The following EYS variants were observed in gnomAD, a reference collection of about 807,000 sequenced individuals.
EYS encodes protein eyes shut homolog.
Under a neutral mutation model 282.1 loss-of-function variants are expected in EYS, and 250 were observed. The observed-to-expected ratio is 0.89, with a 90% CI of 0.80 to 0.98. The LOEUF is 0.98. EYS is among the 50% of genes least tolerant of loss of function. The pLI, the probability that EYS is intolerant of heterozygous loss-of-function variation, is 0.00. For missense variants in EYS, 4,016 were observed against 3,709.0 expected, an observed-to-expected ratio of 1.08 and a Z score of -2.15; for synonymous variants, 1,355 against 1,282.9, an observed-to-expected ratio of 1.06 and a Z score of -1.20.
intron 41 of EYS, among the ~76,000 whole-genome samples, chr6:63,752,738 T>C (rs899578969): frequency 9.9e-5 from 15 of 152,018 alleles, no homozygotes; most frequent in Non-Finnish European, 1.9e-4. Flanking sequence ...CTCGTGATCC[T>C]CCTGCCTCGG....
intron 1 of EYS, among the ~76,000 whole-genome samples, chr6:65,672,414 A>G (rs1768421848): frequency 6.6e-6 from 1 of 152,128 alleles, no homozygotes; most frequent in Non-Finnish European, 1.5e-5. Flanking sequence ...CCTAATTAGG[A>G]ATTTACAAAT....
At chr6:63,859,413 C>G (rs1285556125) in intron 36 of EYS, among the ~76,000 whole-genome samples, 1 of 151,798 alleles carries the variant, frequency 6.6e-6, no homozygotes, top group African/African-American at 2.4e-5. Context: ...GATTCTGGAG[C>G]CTATTCTTAG....
chr6:64,977,136 G>T (rs906325373), intron 14 of EYS, among the ~76,000 whole-genome samples: 1 of 151,728 alleles, frequency 6.6e-6, no homozygotes. Context: ...CAAATGATCT[G>T]CCCACCTCAG....
chr6:64,843,049 G>GA (rs1765612776), intron 19 of EYS, among the ~76,000 whole-genome samples: 1 of 152,078 alleles, frequency 6.6e-6, no homozygotes, highest in Non-Finnish European at 1.5e-5. Context: ...ATGCTAGAAG[G>GA]AAAAAATGGT....
At chr6:64,951,061 A>T (rs1769488382) in intron 14 of EYS, among the ~76,000 whole-genome samples, 1 of 151,448 alleles carries the variant, frequency 6.6e-6, no homozygotes, top group South Asian at 2.1e-4. Flanking sequence ...TTGGTCAAGG[A>T]GATTAGGTCC....
intron 36 of EYS, among the ~76,000 whole-genome samples, chr6:63,863,201 G>A (rs1772577974): frequency 1.3e-5 from 2 of 152,182 alleles, no homozygotes; most frequent in African/African-American, 2.4e-5. Context: ...GATAAAGCAA[G>A]TCCAGTCCTG....
intron 35 of EYS, among the ~76,000 whole-genome samples, chr6:63,914,084 G>A (rs1764352927): frequency 6.6e-6 from 1 of 152,136 alleles, no homozygotes; most frequent in Non-Finnish European, 1.5e-5. Context: ...ATTGAAACAT[G>A]TTGTATGTAT....
intron 35 of EYS, among the ~76,000 whole-genome samples, chr6:63,939,110 A>G (rs1463621326): frequency 6.6e-6 from 1 of 151,868 alleles, no homozygotes; most frequent in Non-Finnish European, 1.5e-5. Context: ...CTTTTCCCAG[A>G]CAAGCTTCTT....
At chr6:65,277,916 G>A (rs1203020890) in intron 12 of EYS, among the ~76,000 whole-genome samples, 1 of 151,992 alleles carries the variant, frequency 6.6e-6, no homozygotes, top group Admixed American at 6.6e-5. Context: ...TGGGCCACAT[G>A]GTACTCAGAT....
chr6:64,298,010 A>T (rs547067359), intron 30 of EYS, among the ~76,000 whole-genome samples: 2 of 151,340 alleles, frequency 1.3e-5, no homozygotes, highest in African/African-American at 4.9e-5. Flanking sequence ...TTAGGTAGAA[A>T]TTAAGACATT....
At chr6:65,291,969 T>A (rs959286569) in intron 12 of EYS, among the ~76,000 whole-genome samples, 3 of 151,562 alleles carry the variant, frequency 2.0e-5, no homozygotes, top group African/African-American at 7.3e-5. Context: ...ATGGAATTTT[T>A]ATGAAGAGAG....
In EYS at chr6:63,937,458, A is replaced by G. The variant is rs976344170; in HGVS notation, c.7055+46925T>C. On this transcript the variant is annotated intron_variant, in intron 35 of 42. Transcript: ENST00000503581. ...TGCAGTGGCTCGATCTCGGCTCACTACAATCTCCGCCTCCCGGGTTCACGC... is the reference window on the plus strand; with the variant it reads ...TGCAGTGGCTCGATCTCGGCTCACTGCAATCTCCGCCTCCCGGGTTCACGC... Among the ~76,000 whole-genome samples the G allele has an allele frequency of 3.1e-4, 42 of 133,346 alleles. No individual in the cohort carries two copies. The South Asian group carries it at 6.1e-3, about 19-fold the overall frequency. The allele number at this position is 133,346 out of a possible 152,430, so 87.5% of individuals were successfully genotyped here.
chr6:63,793,415 A>G (rs1770565273), intron 37 of EYS, among the ~76,000 whole-genome samples: 1 of 152,260 alleles, frequency 6.6e-6, no homozygotes, highest in Non-Finnish European at 1.5e-5. Flanking sequence ...AGAAGGAAGT[A>G]CATATGCATG....
At chr6:65,688,714 G>T (rs1289982134) in intron 1 of EYS, among the ~76,000 whole-genome samples, 1 of 152,058 alleles carries the variant, frequency 6.6e-6, no homozygotes, top group Non-Finnish European at 1.5e-5. Flanking sequence ...GTGGGCAAAG[G>T]ATATGAACAG....
chr6:64,435,772 T>G (rs1774721111), intron 28 of EYS, among the ~76,000 whole-genome samples: 1 of 151,906 alleles, frequency 6.6e-6, no homozygotes, highest in South Asian at 2.1e-4. Context: ...ATAATATACC[T>G]TAATTACTCA....
At chr6:64,601,077 A>C (rs2149838157) in intron 24 of EYS, among the ~76,000 whole-genome samples, 1 of 151,710 alleles carries the variant, frequency 6.6e-6, no homozygotes, top group East Asian at 1.9e-4. Flanking sequence ...CTAACCTTCT[A>C]CCTCTTTCTC....
chr6:65,216,245 A>C (rs922635247), intron 12 of EYS, among the ~76,000 whole-genome samples: 4 of 151,712 alleles, frequency 2.6e-5, no homozygotes, highest in Non-Finnish European at 4.4e-5. Flanking sequence ...TTTCTTTTTG[A>C]GGTTTGTCTT....
chr6:64,606,940 A>G (rs534776759), intron 24 of EYS, among the ~76,000 whole-genome samples: 2 of 152,180 alleles, frequency 1.3e-5, no homozygotes, highest in East Asian at 3.9e-4. Flanking sequence ...AGCTGCATGG[A>G]GAGCAACAAC....
At chr6:64,781,047 T>A (rs1773842191) in intron 22 of EYS, among the ~76,000 whole-genome samples, 4 of 152,104 alleles carry the variant, frequency 2.6e-5, no homozygotes. Flanking sequence ...AGGACAGAGG[T>A]GGTACTCAAG....
Sources: allele counts gnomAD v4.1 joint callset (sites outside exome capture counted in the v4.1 genomes callset), GRCh38; gene constraint gnomAD v4.1.1; transcripts MANE v1.5; gene names NCBI Gene and HGNC (gene_info 2026-07-23, HGNC 2026-07-21).